Variants in RNF6 observed in about 807,000 individuals in gnomAD.
RNF6 encodes the protein E3 ubiquitin-protein ligase RNF6.
RNF6 carries 21 observed loss-of-function variants against 50.1 expected under a neutral mutation model. The ratio of observed to expected loss-of-function variants is 0.42; its 90% CI spans 0.30 to 0.60. The LOEUF is 0.60. RNF6 is among the 20% of genes least tolerant of loss of function. RNF6 has a pLI of 0.20. For missense variants in RNF6, 698 were observed against 838.2 expected (o/e 0.83, Z 2.07); for synonymous variants, 255 against 291.8 (o/e 0.87, Z 1.29).
At chr13:26,180,808 G>C (rs146324047) in intron 5 of RNF6, among the ~76,000 whole-genome samples, 2 of 152,192 alleles carry the variant, frequency 1.3e-5, no homozygotes, top group African/African-American at 4.8e-5. Context: ...CCTGCAAAGC[G>C]TCCAGTCACC....
rs1003469514 is a variant in RNF6 at position 26,181,133 on chromosome 13, G to A, written n.768+34341C>T. ...ACATCCTGTACTTGACAAGGCACCG[G>A]ACTAGATCCAGGTACTCCTTGGTTC... On this transcript the variant is annotated intron_variant and non_coding_transcript_variant, in intron 5 of 5. Transcript: ENST00000468480. Among the ~76,000 whole-genome samples the A allele has an allele frequency of 2.6e-5, 4 of 152,110 alleles. No homozygotes were observed. The East Asian group carries it at 7.7e-4, about 29-fold the overall frequency.
At chr13:26,134,600 A>T (rs1870555021) in intron 5 of RNF6, among the ~76,000 whole-genome samples, 1 of 152,244 alleles carries the variant, frequency 6.6e-6, no homozygotes, top group African/African-American at 2.4e-5. Flanking sequence ...ACTCACCACC[A>T]TGTTGTTCTA....
chr13:26,160,421 A>T (rs540333658), intron 5 of RNF6, among the ~76,000 whole-genome samples: 1 of 152,080 alleles, frequency 6.6e-6, no homozygotes, highest in East Asian at 1.9e-4. Context: ...ATAGAGTCTC[A>T]CTGTGTTGCC....
intron 5 of RNF6, among the ~76,000 whole-genome samples, chr13:26,197,232 T>A (rs1868701168): frequency 6.6e-6 from 1 of 151,864 alleles, no homozygotes; most frequent in Admixed American, 6.6e-5. Flanking sequence ...GCCAAAGAAT[T>A]TACCATTTGT....
At chr13:26,185,389 A>G (rs1873468262) in intron 5 of RNF6, among the ~76,000 whole-genome samples, 1 of 152,246 alleles carries the variant, frequency 6.6e-6, no homozygotes, top group Non-Finnish European at 1.5e-5. Context: ...AGCATGCATT[A>G]CATTTTTATA....
intron 5 of RNF6, among the ~76,000 whole-genome samples, chr13:26,185,000 A>T (rs1185684037): frequency 1.3e-5 from 2 of 151,950 alleles, no homozygotes; most frequent in African/African-American, 2.4e-5. Context: ...TGATTGATTG[A>T]TTGATTGACT....
intron 1 of RNF6, chr13:26,221,713 G>A (rs971526269): frequency 3.9e-5 from 6 of 152,278 alleles, no homozygotes; most frequent in East Asian, 3.9e-4. Context: ...CGGCCGTTGC[G>A]ACGGAAGCTC....
chr13:26,211,949 A>G (rs1468533051), downstream of RNF6, among the ~76,000 whole-genome samples: 1 of 152,118 alleles, frequency 6.6e-6, no homozygotes, highest in African/African-American at 2.4e-5. Context: ...ACCTCTTCAT[A>G]CTGAACTAGA....
At chr13:26,182,649 C>A (rs1233985599) in intron 5 of RNF6, among the ~76,000 whole-genome samples, 1 of 152,052 alleles carries the variant, frequency 6.6e-6, no homozygotes, top group South Asian at 2.1e-4. Context: ...CACATTGCTA[C>A]AAAAAATTAG....
intron 5 of RNF6, among the ~76,000 whole-genome samples, chr13:26,158,066 A>G (rs982706637): frequency 1.3e-5 from 2 of 152,148 alleles, no homozygotes; most frequent in Non-Finnish European, 2.9e-5. Context: ...ATGGATGAAT[A>G]GATGAAACAT....
chr13:26,206,143 C>T (rs1025324637), intron 5 of RNF6, among the ~76,000 whole-genome samples: 1 of 152,218 alleles, frequency 6.6e-6, no homozygotes, highest in African/African-American at 2.4e-5. Context: ...CCACAGCCTG[C>T]CAGCCAGCCC....
chr13:26,143,338 A>G (rs929145442), intron 5 of RNF6, among the ~76,000 whole-genome samples: 1 of 152,176 alleles, frequency 6.6e-6, no homozygotes, highest in African/African-American at 2.4e-5. Context: ...GTCAGGATCA[A>G]TCACCCCATC....
chr13:26,164,750 C>T (rs935066738), intron 5 of RNF6, among the ~76,000 whole-genome samples: 18 of 152,066 alleles, frequency 1.2e-4, no homozygotes, highest in African/African-American at 4.3e-4. Context: ...TGGATGAGAT[C>T]TTGCTTTCCC....
intron 5 of RNF6, among the ~76,000 whole-genome samples, chr13:26,178,943 T>C (rs1170086380): frequency 2.0e-5 from 3 of 152,212 alleles, no homozygotes; most frequent in Non-Finnish European, 4.4e-5. Context: ...GATTCATCCA[T>C]GTTGTCGCAA....
chr13:26,189,719 C>T (rs1186727267), intron 5 of RNF6, among the ~76,000 whole-genome samples: 2 of 110,948 alleles, frequency 1.8e-5, no homozygotes, highest in Admixed American at 2.1e-4. Context: ...CATTTTTAAG[C>T]TCCTTGGAGA....
At chr13:26,200,012 C>T (rs1056021914) in intron 5 of RNF6, among the ~76,000 whole-genome samples, 5 of 152,088 alleles carry the variant, frequency 3.3e-5, no homozygotes, top group Admixed American at 2.6e-4. Context: ...TATGAAGAAG[C>T]CAGAAGCTTA....
chr13:26,174,742 C>T (rs1872870176), intron 5 of RNF6, among the ~76,000 whole-genome samples: 1 of 152,146 alleles, frequency 6.6e-6, no homozygotes, highest in Non-Finnish European at 1.5e-5. Context: ...GTCCCAATCC[C>T]AGATTGCAGC....
intron 5 of RNF6, among the ~76,000 whole-genome samples, chr13:26,161,992 C>T (rs1419496934): frequency 6.6e-6 from 1 of 152,162 alleles, no homozygotes; most frequent in East Asian, 1.9e-4. Context: ...CTAAACATTA[C>T]CTATCTAGGC....
At chr13:26,173,500 T>G (rs1027106801) in intron 5 of RNF6, among the ~76,000 whole-genome samples, 11 of 152,064 alleles carry the variant, frequency 7.2e-5, no homozygotes, top group Admixed American at 6.5e-4. Context: ...TGTAAATGTT[T>G]AAAAAGCCCT....
Sources: gnomAD v4.1 joint callset for allele counts (sites outside exome capture counted in the v4.1 genomes callset) on GRCh38, gnomAD v4.1.1 for gene constraint, MANE v1.5 for transcripts, NCBI Gene and HGNC (gene_info 2026-07-23, HGNC 2026-07-21) for gene names.